Variants in CNTN4 observed in about 807,000 individuals in gnomAD.
The protein encoded by CNTN4 is contactin-4.
CNTN4 carries 77 observed loss-of-function variants against 122.5 expected under a neutral mutation model. The observed-to-expected ratio is 0.63, with a 90% CI of 0.52 to 0.76. CNTN4 has a LOEUF of 0.76. CNTN4 is among the 30% of genes least tolerant of loss of function. CNTN4 has a pLI of 0.00. For synonymous variants in CNTN4, 512 were observed against 447.0 expected, an observed-to-expected ratio of 1.15 and a Z score of -1.83; for missense variants, 1,256 against 1,259.1, an observed-to-expected ratio of 1.00 and a Z score of 0.04.
chr3:2,428,712 A>G (rs970913655), intron 3 of CNTN4, among the ~76,000 whole-genome samples: 2 of 152,194 alleles, frequency 1.3e-5, no homozygotes, highest in African/African-American at 4.8e-5. Context: ...AGGTACACCA[A>G]TCAGACGTGG....
At chr3:2,691,660 G>T (rs779158879) in intron 4 of CNTN4, among the ~76,000 whole-genome samples, 1 of 152,158 alleles carries the variant, frequency 6.6e-6, no homozygotes, top group Non-Finnish European at 1.5e-5. Context: ...TGCCTCAGGG[G>T]AATATAGTAA....
At chr3:2,214,567 T>A (rs1446265841) in intron 2 of CNTN4, among the ~76,000 whole-genome samples, 1 of 152,188 alleles carries the variant, frequency 6.6e-6, no homozygotes, top group Non-Finnish European at 1.5e-5. Flanking sequence ...AAATTATGCA[T>A]GACTGAATTT....
At chr3:2,147,832 T>C (rs766233469) in intron 2 of CNTN4, among the ~76,000 whole-genome samples, 2 of 152,210 alleles carry the variant, frequency 1.3e-5, no homozygotes, top group African/African-American at 2.4e-5. Context: ...TCCAAATGGA[T>C]CTCACAATTT....
chr3:2,770,888 T>C (rs967643), intron 6 of CNTN4, among the ~76,000 whole-genome samples: 124,880 of 152,244 alleles, frequency 0.82, 52,261 homozygotes, highest in Non-Finnish European at 0.9. Flanking sequence ...ACAATGCATA[T>C]CCAGGTGATA....
chr3:2,635,693 T>G (rs1354521909), intron 4 of CNTN4, among the ~76,000 whole-genome samples: 1 of 152,176 alleles, frequency 6.6e-6, no homozygotes, highest in Non-Finnish European at 1.5e-5. Flanking sequence ...TGCTCTTGGA[T>G]CTTGATGAAA....
At chr3:2,388,544 A>G (rs971840879) in intron 3 of CNTN4, among the ~76,000 whole-genome samples, 8 of 152,232 alleles carry the variant, frequency 5.3e-5, no homozygotes, top group African/African-American at 1.9e-4. Context: ...AGTCTTATTT[A>G]GAAATCTACC....
intron 13 of CNTN4, among the ~76,000 whole-genome samples, chr3:2,982,181 G>C (rs1469011388): frequency 6.6e-6 from 1 of 152,108 alleles, no homozygotes; most frequent in Non-Finnish European, 1.5e-5. Flanking sequence ...TTCATATTCG[G>C]AACTGTGTGG....
intron 4 of CNTN4, among the ~76,000 whole-genome samples, chr3:2,603,376 C>G (rs551527697): frequency 6.6e-6 from 1 of 152,228 alleles, no homozygotes; most frequent in African/African-American, 2.4e-5. Context: ...AATTGTCAGT[C>G]TCTTGTAACA....
At chr3:2,658,966 AC>A (rs2083734855) in intron 4 of CNTN4, among the ~76,000 whole-genome samples, 1 of 3,602 alleles carries the variant, frequency 2.8e-4, no homozygotes, top group Non-Finnish European at 5.1e-4. Context: ...ACACAAACAG[AC>A]ACACACACAC....
intron 2 of CNTN4, among the ~76,000 whole-genome samples, chr3:2,168,308 A>G (rs1451809953): frequency 6.6e-5 from 10 of 152,200 alleles, no homozygotes; most frequent in African/African-American, 2.2e-4. Flanking sequence ...ATAAATTAGC[A>G]AGGACCAAAA....
At chr3:2,365,760 C>T (rs1262804490) in intron 3 of CNTN4, among the ~76,000 whole-genome samples, 5 of 152,132 alleles carry the variant, frequency 3.3e-5, no homozygotes, top group African/African-American at 1.2e-4. Flanking sequence ...TCCCTAAATA[C>T]AGGTCAAAAG....
intron 2 of CNTN4, among the ~76,000 whole-genome samples, chr3:2,284,538 A>C (rs1458721687): frequency 1.3e-5 from 2 of 152,060 alleles, no homozygotes; most frequent in African/African-American, 2.4e-5. Flanking sequence ...AATTTAATCA[A>C]ATTTTTATAT....
At chr3:3,010,424 A>AC (rs1284905109) in intron 14 of CNTN4, among the ~76,000 whole-genome samples, 1 of 150,528 alleles carries the variant, frequency 6.6e-6, no homozygotes, top group Non-Finnish European at 1.5e-5. Context: ...TAACAGTAAT[A>AC]CCTCCCAACC....
intron 13 of CNTN4, chr3:2,985,407 G>A (rs1376332637): frequency 1.3e-5 from 2 of 152,164 alleles, no homozygotes; most frequent in South Asian, 2.1e-4. Context: ...TGTCACTTTG[G>A]GTTCAGACAC....
chr3:2,705,981 A>T (rs912746630), intron 4 of CNTN4, among the ~76,000 whole-genome samples: 1 of 135,688 alleles, frequency 7.4e-6, no homozygotes, highest in African/African-American at 2.7e-5. Context: ...ATATTATATA[A>T]AATATAAAAT....
At chr3:2,204,807 C>G (rs2038265701) in intron 2 of CNTN4, among the ~76,000 whole-genome samples, 1 of 152,060 alleles carries the variant, frequency 6.6e-6, no homozygotes, top group Admixed American at 6.6e-5. Flanking sequence ...TCCTGAAGAA[C>G]CACTTGGAGT....
intron 4 of CNTN4, among the ~76,000 whole-genome samples, chr3:2,611,964 A>T (rs1281567733): frequency 2.0e-5 from 3 of 152,098 alleles, no homozygotes. Flanking sequence ...TATGTAGGAG[A>T]TGGAGCTTTA....
Position 2,710,476 on chromosome 3 carries a change from G to A in CNTN4, c.56-25739G>A, listed in dbSNP as rs143119129. Among the ~76,000 whole-genome samples, 118 of 152,284 alleles carry A rather than the reference G, an allele frequency of 7.7e-4. 1 individual carries two copies. The East Asian group carries it at 0.019, about 24-fold the overall frequency. On this transcript the variant is annotated intron_variant, in intron 4 of 24. Coordinates refer to ENST00000418658, the MANE Select transcript of CNTN4 (RefSeq NM_175607.3). The stretch of plus-strand genomic sequence containing the variant: ...AATTTCCTTTTCCTGAAAGCTCTGT[G>A]TAGTTATAACCTGGTCTTTTGTTTT...
At chr3:2,758,251 A>G (rs1033707862) in intron 6 of CNTN4, among the ~76,000 whole-genome samples, 2 of 152,202 alleles carry the variant, frequency 1.3e-5, no homozygotes, top group Non-Finnish European at 1.5e-5. Context: ...AGTGATAATG[A>G]ATGTTGATAA....
Sources: gnomAD v4.1 joint callset for allele counts (sites outside exome capture counted in the v4.1 genomes callset) on GRCh38, gnomAD v4.1.1 for gene constraint, MANE v1.5 for transcripts, NCBI Gene and HGNC (gene_info 2026-07-23, HGNC 2026-07-21) for gene names.